The following HECW1 variants were observed in gnomAD, a reference collection of about 807,000 sequenced individuals.
The protein encoded by HECW1 is E3 ubiquitin-protein ligase HECW1.
Under a neutral mutation model 182.3 loss-of-function variants are expected in HECW1, and 61 were observed. The observed-to-expected ratio is 0.33, with a 90% CI of 0.27 to 0.41. HECW1 has a LOEUF of 0.41. Ranked by LOEUF, HECW1 falls within the 10% of genes least tolerant of loss-of-function variation. The probability of loss-of-function intolerance (pLI) is 1.00; values close to 1 mark genes in which losing one functional copy is unlikely to be tolerated. For missense variants in HECW1, 1,739 were observed against 2,108.9 expected, an observed-to-expected ratio of 0.82 and a Z score of 3.44; for synonymous variants, 859 against 832.6, an observed-to-expected ratio of 1.03 and a Z score of -0.55.
Position 43,312,084 on chromosome 7 carries a change from A to T in HECW1, c.349A>T (p.Ile117Phe). The stretch of plus-strand genomic sequence containing the variant: ...TGGGGACTGGATTGGCATGTACCTC[A>T]TTGGTGAGTAGAATGTGCCAAGTGT... ...DAGDWIGMYLIDEVLSENFLD... is the reference protein window; with the variant it reads ...DAGDWIGMYLFDEVLSENFLD... Residue 117 changes from isoleucine (I) to phenylalanine (F), a missense_variant, in exon 4 of 30, where the codon ATT becomes TTT. Physicochemically the swap from Ile to Phe is conservative, Grantham distance 21. This residue lies in a region of HECW1 where 279 missense variants were observed against 353.1 expected (regional missense o/e 0.79). Coordinates refer to ENST00000395891, the MANE Select transcript of HECW1 (RefSeq NM_015052.5). The T allele has an allele frequency of 2.5e-6, 4 of 1,610,020 alleles. No homozygotes were observed. The highest frequency in any genetic ancestry group is 3.4e-6 in the Non-Finnish European group (4 of 1,176,340).
At chr7:43,230,863 A>C (rs891889995) in intron 2 of HECW1, among the ~76,000 whole-genome samples, 11 of 151,678 alleles carry the variant, frequency 7.3e-5, no homozygotes, top group African/African-American at 2.2e-4. Context: ...CTTCTCTGTA[A>C]GTCTGAAAGT....
chr7:43,425,304 T>TAGATGATAGATAGATA (rs1554408923), intron 8 of HECW1, among the ~76,000 whole-genome samples: 1 of 148,246 alleles, frequency 6.7e-6, no homozygotes, highest in African/African-American at 2.5e-5. Flanking sequence ...GATAGATAGA[T>TAGATGATAGATAGATA]GATAGATAGA....
intron 6 of HECW1, among the ~76,000 whole-genome samples, chr7:43,394,803 C>T (rs2075168845): frequency 6.6e-6 from 1 of 152,108 alleles, no homozygotes; most frequent in Non-Finnish European, 1.5e-5. Context: ...TCATGCAGAG[C>T]CGGCTGTGCT....
At chr7:43,488,624 G>T (rs1395797500) in intron 17 of HECW1, among the ~76,000 whole-genome samples, 1 of 152,184 alleles carries the variant, frequency 6.6e-6, no homozygotes, top group African/African-American at 2.4e-5. Flanking sequence ...CCAGTACAGG[G>T]CTTCAAGGAT....
At chr7:43,535,517 A>G (rs914112924) in intron 24 of HECW1, among the ~76,000 whole-genome samples, 3 of 152,180 alleles carry the variant, frequency 2.0e-5, no homozygotes, top group African/African-American at 7.2e-5. Context: ...GTCCCAGTGC[A>G]CACTGGGTCC....
At chr7:43,314,249 G>A (rs1808899358) in intron 4 of HECW1, among the ~76,000 whole-genome samples, 1 of 152,206 alleles carries the variant, frequency 6.6e-6, no homozygotes, top group African/African-American at 2.4e-5. Flanking sequence ...GAATTACTGA[G>A]TGTGGAACAC....
chr7:43,262,198 G>A (rs1801246916), intron 3 of HECW1, among the ~76,000 whole-genome samples: 1 of 152,038 alleles, frequency 6.6e-6, no homozygotes, highest in African/African-American at 2.4e-5. Flanking sequence ...TCCACCCTGG[G>A]TGACAGAATG....
At chr7:43,401,567 G>GT (rs10574466) in intron 7 of HECW1, among the ~76,000 whole-genome samples, 7,249 of 123,102 alleles carry the variant, frequency 0.059, 617 homozygotes, top group African/African-American at 0.19. Flanking sequence ...ATTTAAAAAG[G>GT]TTTTTTTTTT....
In HECW1 at chr7:43,508,080, G is replaced by T; in HGVS notation, c.3815G>T (p.Arg1272Leu). 1 of 1,614,012 alleles carries T rather than the reference G, an allele frequency of 6.2e-7. No homozygotes were observed. Among genetic ancestry groups the T allele is most frequent in the South Asian group, 1.1e-5 (1 of 91,082 alleles). The change falls in exon 23 of 30, where the codon CGG becomes CTG. Residue 1272 changes from arginine (R) to leucine (L), a missense_variant. Arg to Leu is a moderately radical substitution (Grantham distance 102). Around this residue, in one of 5 missense-constraint regions of HECW1, gnomAD observed 420 missense variants for 595.7 expected, o/e 0.71. Transcript: ENST00000395891. ...GTFNQVMAYS[R>L]KELQRNKLYV... ...TTCAATCAGGTGATGGCCTATTCGCGGAAAGAGCTCCAGCGAAACAAGCTC... is the reference window on the plus strand; with the variant it reads ...TTCAATCAGGTGATGGCCTATTCGCTGAAAGAGCTCCAGCGAAACAAGCTC...
At chr7:43,306,094 G>A (rs117281915) in intron 3 of HECW1, among the ~76,000 whole-genome samples, 10,602 of 151,580 alleles carry the variant, frequency 0.07, 470 homozygotes, top group Middle Eastern at 0.13. Context: ...ACGAGGTTTC[G>A]CCATGTTGCC....
intron 2 of HECW1, among the ~76,000 whole-genome samples, chr7:43,197,978 C>T (rs1421984838): frequency 2.0e-5 from 3 of 151,890 alleles, no homozygotes; most frequent in Non-Finnish European, 2.9e-5. Context: ...CCACATCTTT[C>T]CTGCCATTGC....
intron 2 of HECW1, among the ~76,000 whole-genome samples, chr7:43,159,621 A>ATTCTACT (rs1363100052): frequency 1.3e-5 from 2 of 152,134 alleles, no homozygotes; most frequent in Non-Finnish European, 2.9e-5. Flanking sequence ...AACACATACA[A>ATTCTACT]AAAACATTTC....
intron 1 of HECW1, 112 bp downstream of exon 1, chr7:43,113,049 CGAGA>C (rs1784748771): frequency 5.4e-6 from 1 of 185,748 alleles, no homozygotes; most frequent in Non-Finnish European, 1.1e-5. Flanking sequence ...TTCTCGGGGC[CGAGA>C]TCCACCCTCC....
chr7:43,114,593 A>G (rs1010102171), intron 2 of HECW1, among the ~76,000 whole-genome samples: 3 of 152,158 alleles, frequency 2.0e-5, no homozygotes, highest in Non-Finnish European at 4.4e-5. Flanking sequence ...CATTGGAAAA[A>G]CAAAGCACTA....
chr7:43,211,669 A>G (rs1243586390), intron 2 of HECW1, among the ~76,000 whole-genome samples: 1 of 152,192 alleles, frequency 6.6e-6, no homozygotes, highest in Non-Finnish European at 1.5e-5. Flanking sequence ...ACCCTTCACA[A>G]AAGGGGGGCG....
intron 2 of HECW1, among the ~76,000 whole-genome samples, chr7:43,154,506 A>G (rs1390380755): frequency 1.3e-5 from 2 of 152,156 alleles, no homozygotes; most frequent in Non-Finnish European, 2.9e-5. Flanking sequence ...TTCTCCAGTG[A>G]ATTATATTCT....
chr7:43,537,084 C>A (rs1307234766), intron 24 of HECW1, among the ~76,000 whole-genome samples: 2 of 152,184 alleles, frequency 1.3e-5, no homozygotes, highest in Admixed American at 1.3e-4. Context: ...CAGTGCTACA[C>A]CCCAGGAGCA....
chr7:43,259,736 C>T (rs1158150994), intron 3 of HECW1, among the ~76,000 whole-genome samples: 4 of 151,984 alleles, frequency 2.6e-5, no homozygotes, highest in Non-Finnish European at 5.9e-5. Context: ...GATTAGTGAA[C>T]TTAAAGAATG....
At chr7:43,528,652 C>T (rs541920807) in intron 24 of HECW1, among the ~76,000 whole-genome samples, 4 of 152,204 alleles carry the variant, frequency 2.6e-5, no homozygotes, top group East Asian at 1.9e-4. Flanking sequence ...AGAGGCACAC[C>T]GCACACTTGG....
Sources: allele counts gnomAD v4.1 joint callset (sites outside exome capture counted in the v4.1 genomes callset), GRCh38; gene constraint gnomAD v4.1.1; regional missense constraint gnomAD v4.1.1; transcripts MANE v1.5; gene names NCBI Gene and HGNC (gene_info 2026-07-23, HGNC 2026-07-21).